The following CHN2 variants were observed in gnomAD, a reference collection of about 807,000 sequenced individuals.
The protein encoded by CHN2 is chimerin 2, also known as beta-chimaerin.
In CHN2, 35 loss-of-function variants were observed where a neutral mutation model predicts 56.3. The observed-to-expected ratio is 0.62, with a 90% CI of 0.47 to 0.82. The LOEUF (loss-of-function observed/expected upper bound fraction) is 0.82, where lower values mean the gene tolerates loss of function less well. Among genes scored for constraint, CHN2 ranks in the 40% least tolerant of loss-of-function variants. The pLI is 0.00. For missense variants in CHN2, 491 were observed against 580.5 expected (o/e 0.85, Z 1.58); for synonymous variants, 210 against 212.8 (o/e 0.99, Z 0.12).
At chr7:29,321,297 G>A (rs1255095439) in intron 1 of CHN2, among the ~76,000 whole-genome samples, 1 of 152,172 alleles carries the variant, frequency 6.6e-6, no homozygotes, top group African/African-American at 2.4e-5. Flanking sequence ...GTGCTCAGCA[G>A]TCTATAGAGT....
At chr7:29,480,629 G>A (rs1386410076) in intron 7 of CHN2, among the ~76,000 whole-genome samples, 1 of 152,206 alleles carries the variant, frequency 6.6e-6, no homozygotes, top group African/African-American at 2.4e-5. Flanking sequence ...ACGTTCCCAT[G>A]TCCAGTGAAA....
At position 29,279,002 on chromosome 7, in the gene CHN2, C is replaced by A. The variant is rs576002851; in HGVS notation, c.50-75623C>A. ...CCCCAGGGAGGTCCAGCTGTCCCCC[C>A]CCAACCCCCACCTTCACTCAGGGTC... On this transcript the variant is annotated intron_variant, in intron 1 of 12. Transcript: ENST00000222792. Among the ~76,000 whole-genome samples the A allele has an allele frequency of 1.4e-4, 21 of 152,274 alleles. No homozygotes were observed. The South Asian group carries it at 4.2e-3, about 30-fold the overall frequency.
At chr7:29,272,375 C>T (rs997971771) in intron 1 of CHN2, among the ~76,000 whole-genome samples, 4 of 152,188 alleles carry the variant, frequency 2.6e-5, no homozygotes, top group African/African-American at 4.8e-5. Context: ...GAAAGCCATT[C>T]TCTCTGCCTT....
At chr7:29,390,411 C>T (rs1310828362) in intron 3 of CHN2, among the ~76,000 whole-genome samples, 4 of 152,226 alleles carry the variant, frequency 2.6e-5, no homozygotes, top group Non-Finnish European at 5.9e-5. Context: ...GATGGATTGA[C>T]CAGCTGCAGC....
In CHN2 at chr7:29,307,504, A is replaced by C. The variant is rs1585020766; in HGVS notation, c.50-47121A>C. Among the ~76,000 whole-genome samples the C allele has an allele frequency of 2.0e-5, 3 of 152,336 alleles. No individual in the cohort carries two copies. The South Asian group carries it at 6.2e-4, about 32-fold the overall frequency. ...TGTTGTTACATGTCAAGTGGGAATT[A>C]AGATTTCAGATGAAGTAAGATTGCT... On this transcript the variant is annotated intron_variant, in intron 1 of 12. Transcript: ENST00000222792.
At chr7:29,354,731 C>T (rs948994944) in intron 2 of CHN2, 68 bp downstream of exon 2, 112 of 1,448,734 alleles carry the variant, frequency 7.7e-5, no homozygotes, top group Non-Finnish European at 1.1e-4. Context: ...CAATTCTTGC[C>T]AGCGATGTAG....
At chr7:29,224,688 G>A (rs1330500871) in intron 1 of CHN2, among the ~76,000 whole-genome samples, 1 of 152,142 alleles carries the variant, frequency 6.6e-6, no homozygotes, top group African/African-American at 2.4e-5. Context: ...TCCATATGGG[G>A]ATAAAGTTAA....
intron 4 of CHN2, chr7:29,396,833 G>C (rs960180962): frequency 6.6e-6 from 1 of 152,424 alleles, no homozygotes; most frequent in Non-Finnish European, 1.5e-5. Flanking sequence ...TGCACAGGAG[G>C]CTCCTCCGCA....
intron 1 of CHN2, among the ~76,000 whole-genome samples, chr7:29,264,883 A>C (rs945784451): frequency 1.3e-5 from 2 of 151,466 alleles, no homozygotes; most frequent in South Asian, 2.1e-4. Context: ...AAAAAAAAAA[A>C]AACAAGTTAA....
chr7:29,246,974 G>A (rs1310513765), intron 1 of CHN2, among the ~76,000 whole-genome samples: 1 of 152,216 alleles, frequency 6.6e-6, no homozygotes, highest in African/African-American at 2.4e-5. Flanking sequence ...CCGTAGCAGT[G>A]TAGAGTGGCA....
intron 2 of CHN2, among the ~76,000 whole-genome samples, chr7:29,359,915 G>A (rs1250394009): frequency 6.6e-6 from 1 of 152,192 alleles, no homozygotes; most frequent in Non-Finnish European, 1.5e-5. Flanking sequence ...TCTCCCTGGA[G>A]GCTCCCCTGG....
At chr7:29,411,843 C>A (rs1803245278) in intron 6 of CHN2, among the ~76,000 whole-genome samples, 2 of 152,118 alleles carry the variant, frequency 1.3e-5, no homozygotes, top group Admixed American at 1.3e-4. Flanking sequence ...TCAGCCCGCC[C>A]CCGTCTCTGG....
intron 6 of CHN2, among the ~76,000 whole-genome samples, chr7:29,407,789 C>A (rs1253090395): frequency 6.6e-6 from 1 of 152,166 alleles, no homozygotes; most frequent in Non-Finnish European, 1.5e-5. Flanking sequence ...AACCAGAATT[C>A]CCTAATGATT....
At chr7:29,318,924 G>C (rs1267571267) in intron 1 of CHN2, among the ~76,000 whole-genome samples, 1 of 152,174 alleles carries the variant, frequency 6.6e-6, no homozygotes, top group African/African-American at 2.4e-5. Context: ...TGGCAGGGCT[G>C]TGCAGAGGTG....
intron 6 of CHN2, among the ~76,000 whole-genome samples, chr7:29,426,933 A>G (rs1804919019): frequency 6.6e-6 from 1 of 152,022 alleles, no homozygotes; most frequent in Non-Finnish European, 1.5e-5. Flanking sequence ...CATCACGTCC[A>G]TCTGCCAGTG....
chr7:29,449,988 C>T (rs949647473), intron 6 of CHN2, among the ~76,000 whole-genome samples: 1 of 152,194 alleles, frequency 6.6e-6, no homozygotes, highest in Admixed American at 6.5e-5. Context: ...CAGTATTTCA[C>T]TCTGAGTTCC....
At chr7:29,485,207 T>C (rs757283950) in intron 7 of CHN2, among the ~76,000 whole-genome samples, 1 of 152,206 alleles carries the variant, frequency 6.6e-6, no homozygotes, top group Non-Finnish European at 1.5e-5. Context: ...AAATTTATGA[T>C]GTAGCTATTA....
At chr7:29,279,706 G>A (rs539194076) in intron 1 of CHN2, among the ~76,000 whole-genome samples, 7 of 152,214 alleles carry the variant, frequency 4.6e-5, no homozygotes, top group Non-Finnish European at 8.8e-5. Context: ...TAAGGCAGGA[G>A]CAGGGTGTGA....
rs1487406449 is a variant in CHN2 at position 29,398,474 on chromosome 7, C to T, written c.278C>T (p.Thr93Met). ...RESQRQPGCY[T>M]LALRFGNQTL... Reference sequence around the variant, plus strand: ...AGCCAGCGGCAACCAGGATGCTACACGCTGGCTCTCAGGTGAGGCGCATTT... The same window carrying T: ...AGCCAGCGGCAACCAGGATGCTACATGCTGGCTCTCAGGTGAGGCGCATTT... Residue 93 changes from threonine to methionine, a missense_variant, in exon 5 of 13, where the codon ACG becomes ATG. Thr to Met is a moderately conservative substitution (Grantham distance 81, BLOSUM62 -1). Transcript: ENST00000222792. 2.5e-6 allele frequency: 4 copies of T among 1,610,122 alleles called. No individual in the cohort carries two copies. The highest frequency in any genetic ancestry group is 2.5e-6 in the Non-Finnish European group (3 of 1,177,074).
Sources: gnomAD v4.1 joint callset for allele counts (sites outside exome capture counted in the v4.1 genomes callset) on GRCh38, gnomAD v4.1.1 for gene constraint, MANE v1.5 for transcripts, NCBI Gene and HGNC (gene_info 2026-07-23, HGNC 2026-07-21) for gene names.